Variants in ERICH6B observed in about 807,000 individuals in gnomAD.
ERICH6B encodes glutamate rich 6B.
In ERICH6B, 69 loss-of-function variants were observed where a neutral mutation model predicts 80.0. The ratio of observed to expected loss-of-function variants is 0.86; its 90% CI spans 0.71 to 1.05. The LOEUF is 1.05. Among genes scored for constraint, ERICH6B ranks in the 50% least tolerant of loss-of-function variants. ERICH6B has a pLI of 0.00. For missense variants in ERICH6B, 754 were observed against 796.1 expected (o/e 0.95, Z 0.64); for synonymous variants, 283 against 291.9 (o/e 0.97, Z 0.31).
intron 3 of ERICH6B, among the ~76,000 whole-genome samples, chr13:45,595,753 C>G (rs1454835229): frequency 6.6e-6 from 1 of 150,432 alleles, no homozygotes; most frequent in Non-Finnish European, 1.5e-5. Context: ...AGTGATCCTC[C>G]TATCTCAGCC....
At chr13:45,592,705 A>G (rs888111751) in intron 3 of ERICH6B, among the ~76,000 whole-genome samples, 1 of 152,204 alleles carries the variant, frequency 6.6e-6, no homozygotes, top group Non-Finnish European at 1.5e-5. Context: ...TACTAAAAAA[A>G]CTAAAAGGGG....
chr13:45,544,678 C>T lies in ERICH6B; in HGVS notation c.1872+82G>A. The T allele has an allele frequency of 2.4e-6, 3 of 1,230,168 alleles. No homozygotes were observed. In the South Asian group the frequency reaches 4.2e-5, roughly 17 times the overall value. 76.2% of individuals were successfully genotyped at this position (1,230,168 alleles called of 1,614,324 possible). A position where few individuals can be genotyped will look rare whatever the true frequency, so the allele number is the denominator to read the frequency against. Reference sequence around the variant, plus strand: ...ATAGAACAAGCCTGGAGGCCTGTGGCATGGGCCAGTCCAAGCCAGCAGTGG... The same window carrying T: ...ATAGAACAAGCCTGGAGGCCTGTGGTATGGGCCAGTCCAAGCCAGCAGTGG... On this transcript the variant is annotated intron_variant, in intron 14 of 14. Transcript: ENST00000298738.
rs142656281 is a variant in ERICH6B at position 45,544,833 on chromosome 13, C to T, written c.1799G>A (p.Ser600Asn). The T allele has an allele frequency of 1.3e-6, 2 of 1,551,564 alleles. No individual in the cohort carries two copies. Among genetic ancestry groups the T allele is most frequent in the South Asian group, 1.2e-5 (1 of 84,058 alleles). ...GAAGCAGAAGATGATCTTATCCTGGCTCCTTATTTGTACCTGGATGTACTC... is the reference window on the plus strand; with the variant it reads ...GAAGCAGAAGATGATCTTATCCTGGTTCCTTATTTGTACCTGGATGTACTC... Reference protein sequence around the residue: ...INEYIQVQIRSQDKIIFCFTY... With the variant: ...INEYIQVQIRNQDKIIFCFTY... Residue 600 changes from serine (S) to asparagine (N), a missense_variant, in exon 14 of 15, where the codon AGC (serine) becomes AAC (asparagine). Physicochemically the swap from Ser to Asn is conservative, Grantham distance 46. Transcript: ENST00000298738.
At chr13:45,580,121 C>T (rs11147979) in intron 6 of ERICH6B, 147 bp from the exon 7 acceptor site, 3 of 665,592 alleles carry the variant, frequency 4.5e-6, no homozygotes, top group Non-Finnish European at 7.7e-6. Context: ...GGGATAAAAG[C>T]CTTCCTTGAT....
intron 3 of ERICH6B, among the ~76,000 whole-genome samples, chr13:45,594,204 C>T (rs369034915): frequency 2.6e-5 from 4 of 152,196 alleles, no homozygotes; most frequent in African/African-American, 4.8e-5. Flanking sequence ...TACAATCTAT[C>T]TTGAAACCCT....
chr13:45,570,009 C>T (rs80124639), intron 8 of ERICH6B, among the ~76,000 whole-genome samples: 13,475 of 152,256 alleles, frequency 0.089, 1,009 homozygotes, highest in African/African-American at 0.2. Context: ...CTCCAGAAAA[C>T]AGAATGTCTG....
chr13:45,554,801 C>T (rs1273558089), intron 11 of ERICH6B, among the ~76,000 whole-genome samples: 5 of 152,210 alleles, frequency 3.3e-5, no homozygotes, highest in Admixed American at 3.3e-4. Flanking sequence ...GTTCTGGGAG[C>T]TCACCATGGC....
At chr13:45,606,526 TA>T (rs1949863681) in intron 2 of ERICH6B, among the ~76,000 whole-genome samples, 5 of 33,946 alleles carry the variant, frequency 1.5e-4, no homozygotes, top group African/African-American at 6.2e-4. Context: ...TATATATATA[TA>T]TATATATATA....
intron 8 of ERICH6B, among the ~76,000 whole-genome samples, chr13:45,571,575 T>C (rs1875169993): frequency 6.6e-6 from 1 of 152,226 alleles, no homozygotes; most frequent in Admixed American, 6.5e-5. Flanking sequence ...TTCAACTGTT[T>C]GCTAAGGATT....
rs572757582 is a variant in ERICH6B, at chr13:45,566,485, C to T, written c.1187+1830G>A. ...AGGCCCAGGGTCCCTGTGTTGTGTG[C>T]GGCCTAGGGGACTTGGTGCCTTGCA... is the stretch of plus-strand genomic sequence containing the variant. On this transcript the variant is annotated intron_variant, in intron 9 of 14. Transcript: ENST00000298738. 9.8e-5 allele frequency among the ~76,000 whole-genome samples: 15 copies of T among 152,334 alleles called. No individual in the cohort carries two copies. The East Asian group carries it at 1.5e-3, about 16-fold the overall frequency.
At chr13:45,581,507 G>C (rs1875666877) in intron 5 of ERICH6B, among the ~76,000 whole-genome samples, 1 of 152,326 alleles carries the variant, frequency 6.6e-6, no homozygotes, top group East Asian at 1.9e-4. Context: ...CTCCTGAGTA[G>C]CTGGGACTAC....
chr13:45,562,259 A>G (rs1302119200), intron 10 of ERICH6B, among the ~76,000 whole-genome samples: 1 of 152,304 alleles, frequency 6.6e-6, no homozygotes, highest in Non-Finnish European at 1.5e-5. Context: ...GCTTGTCTCA[A>G]ACTCCTGGCC....
At chr13:45,575,077 A>T in intron 7 of ERICH6B, 147 bp from the exon 8 acceptor site, 4 of 602,378 alleles carry the variant, frequency 6.6e-6, no homozygotes, top group African/African-American at 5.6e-5. Context: ...GATGTTAAAT[A>T]GGTTAATCAC....
At chr13:45,614,008 G>T (rs995224688) in intron 1 of ERICH6B, among the ~76,000 whole-genome samples, 1 of 152,162 alleles carries the variant, frequency 6.6e-6, no homozygotes. Context: ...TCTCCAACAG[G>T]AGAAATGGGA....
intron 8 of ERICH6B, among the ~76,000 whole-genome samples, 194 bp from the exon 9 acceptor site, chr13:45,568,645 G>A (rs1875025335): frequency 6.6e-6 from 1 of 152,170 alleles, no homozygotes; most frequent in African/African-American, 2.4e-5. Flanking sequence ...TTAATACCTA[G>A]GTGATGGGCT....
At chr13:45,542,301 C>T (rs75847672) in intron 14 of ERICH6B, among the ~76,000 whole-genome samples, 6,671 of 152,252 alleles carry the variant, frequency 0.044, 226 homozygotes, top group East Asian at 0.11. Flanking sequence ...ATGTAATAAC[C>T]TATGTCCATA....
rs983788913 is a variant in ERICH6B at position 45,541,515 on chromosome 13, A to T, written c.2038T>A (p.Ser680Thr). The T allele has an allele frequency of 1.3e-6, 2 of 1,552,094 alleles. No individual in the cohort carries two copies. Among genetic ancestry groups the T allele is most frequent in the Non-Finnish European group, 1.7e-6 (2 of 1,147,072 alleles). Residue 680 changes from serine to threonine, a missense_variant, in exon 15 of 15, where the codon TCA (serine) becomes ACA (threonine). Coordinates refer to ENST00000298738, the MANE Select transcript of ERICH6B (RefSeq NM_182542.3). ...TTCAGGTACTTGTTGTCCATCAGTG[A>T]TATACTGACGGCCTCTATGAAGTTT... The part of the protein sequence containing the change: ...LENFIEAVSI[S>T]LMDNKYLKKM...
At chr13:45,584,133 G>A (rs1455095708) in intron 5 of ERICH6B, among the ~76,000 whole-genome samples, 1 of 152,194 alleles carries the variant, frequency 6.6e-6, no homozygotes, top group Non-Finnish European at 1.5e-5. Flanking sequence ...TGGTTACTAT[G>A]TGCCAGGCAC....
chr13:45,564,115 T>G (rs1258651281), intron 9 of ERICH6B, among the ~76,000 whole-genome samples: 3 of 152,220 alleles, frequency 2.0e-5, no homozygotes, highest in East Asian at 1.9e-4. Flanking sequence ...AGTATGGCCC[T>G]ATTATTAACT....
Sources: allele counts gnomAD v4.1 joint callset (sites outside exome capture counted in the v4.1 genomes callset), GRCh38; gene constraint gnomAD v4.1.1; transcripts MANE v1.5; gene names NCBI Gene and HGNC (gene_info 2026-07-23, HGNC 2026-07-21).